Variants in DPYD observed in about 807,000 individuals in gnomAD.
The protein encoded by DPYD is dihydropyrimidine dehydrogenase [NADP(+)].
Under a neutral mutation model 116.2 loss-of-function variants are expected in DPYD, and 109 were observed. The observed-to-expected ratio is 0.94, with a 90% CI of 0.80 to 1.10. DPYD has a LOEUF of 1.10. Among genes scored for constraint, DPYD ranks in the 50% least tolerant of loss-of-function variants. The pLI is 0.00. For missense variants in DPYD, 1,302 were observed against 1,254.5 expected, an observed-to-expected ratio of 1.04 and a Z score of -0.57; for synonymous variants, 440 against 432.0, an observed-to-expected ratio of 1.02 and a Z score of -0.23.
At position 97,742,311 on chromosome 1, in the gene DPYD, AT is replaced by A. The variant is rs1664310797; in HGVS notation, c.234-1833del. ...TTTTGTGAGTAAGAGAGCCCTCTTC[AT>A]TGTCTGAACCAATTTCTCAGTGCCT... On this transcript the variant is annotated intron_variant, in intron 3 of 22. Coordinates refer to ENST00000370192, the MANE Select transcript of DPYD (RefSeq NM_000110.4). Among the ~76,000 whole-genome samples the A allele has an allele frequency of 3.3e-5, 5 of 152,202 alleles. No individual in the cohort carries two copies. The South Asian group carries it at 1.0e-3, about 32-fold the overall frequency.
In DPYD at chr1:97,556,234, T is replaced by C. The variant is rs557830605; in HGVS notation, c.1340-6490A>G. Among the ~76,000 whole-genome samples, 22 of 152,324 alleles carry C rather than the reference T, an allele frequency of 1.4e-4. No homozygotes were observed. In the East Asian group the frequency reaches 4.1e-3, roughly 28 times the overall value. Reference sequence around the variant, plus strand: ...TAACCACTTCCTCCTCATGAAAGTCTTTTAGCCTGGCTTCTGTGACATCAT... The same window carrying C: ...TAACCACTTCCTCCTCATGAAAGTCCTTTAGCCTGGCTTCTGTGACATCAT... On this transcript the variant is annotated intron_variant, in intron 11 of 22. Transcript: ENST00000370192.
At chr1:97,692,442 C>T (rs114452583) in intron 6 of DPYD, among the ~76,000 whole-genome samples, 2,015 of 151,992 alleles carry the variant, frequency 0.013, 21 homozygotes, top group Middle Eastern at 0.024. Flanking sequence ...AAAATGAGGC[C>T]TATGGCACTA....
intron 20 of DPYD, among the ~76,000 whole-genome samples, chr1:97,188,732 A>G (rs908827367): frequency 2.0e-5 from 3 of 152,190 alleles, no homozygotes; most frequent in Non-Finnish European, 2.9e-5. Context: ...AGTATGTTCA[A>G]TTCAGCTACC....
At chr1:97,878,360 T>C (rs1672024477) in intron 2 of DPYD, among the ~76,000 whole-genome samples, 1 of 151,948 alleles carries the variant, frequency 6.6e-6, no homozygotes, top group Non-Finnish European at 1.5e-5. Flanking sequence ...CTTTACACAC[T>C]CTTCCTGGGT....
intron 16 of DPYD, among the ~76,000 whole-genome samples, chr1:97,331,439 G>A (rs151087559): frequency 8.5e-5 from 13 of 152,194 alleles, no homozygotes; most frequent in African/African-American, 2.4e-4. Context: ...ATGGCTGTGC[G>A]ACTGTACTAC....
chr1:97,392,219 T>G (rs1672745927), intron 14 of DPYD, among the ~76,000 whole-genome samples: 1 of 152,064 alleles, frequency 6.6e-6, no homozygotes, highest in Non-Finnish European at 1.5e-5. Flanking sequence ...AGTTATGTTT[T>G]CACTACAATC....
chr1:97,738,199 GT>G (rs1664070560), intron 4 of DPYD, among the ~76,000 whole-genome samples: 1 of 152,056 alleles, frequency 6.6e-6, no homozygotes. Flanking sequence ...ATAAAGTAGT[GT>G]TTTTTAAAAG....
At chr1:97,230,501 G>A (rs1661514996) in intron 19 of DPYD, among the ~76,000 whole-genome samples, 1 of 152,148 alleles carries the variant, frequency 6.6e-6, no homozygotes, top group African/African-American at 2.4e-5. Flanking sequence ...AGGATGGGAG[G>A]AGGGAGAGGA....
In DPYD at chr1:97,729,461, C is replaced by A. The variant is rs535863223; in HGVS notation, c.322-7790G>T. 1.5e-4 allele frequency among the ~76,000 whole-genome samples: 23 copies of A among 152,154 alleles called. No homozygotes were observed. The East Asian group carries it at 4.4e-3, about 29-fold the overall frequency. ...TCAGTGAACTTAGGTTCCCACTCTA[C>A]CCCTTTAGGCTTTTTGTCACTAAAA... On this transcript the variant is annotated intron_variant, in intron 4 of 22. Transcript: ENST00000370192.
intron 20 of DPYD, among the ~76,000 whole-genome samples, chr1:97,109,703 C>T (rs1177042149): frequency 6.6e-6 from 1 of 152,014 alleles, no homozygotes; most frequent in Non-Finnish European, 1.5e-5. Flanking sequence ...TAAAATATTA[C>T]ATTTTGATCC....
intron 20 of DPYD, among the ~76,000 whole-genome samples, chr1:97,155,280 C>G (rs1655358393): frequency 6.6e-6 from 1 of 152,056 alleles, no homozygotes; most frequent in Non-Finnish European, 1.5e-5. Context: ...TTCATATTTC[C>G]AAGTGTTGTC....
chr1:97,719,678 C>T (rs939780467), intron 5 of DPYD: 3 of 983,424 alleles, frequency 3.1e-6, no homozygotes, highest in African/African-American at 3.5e-5. Flanking sequence ...GTAAACCACA[C>T]ACTGACCTAG....
In DPYD at chr1:97,748,159, G is replaced by A. The variant is rs146434550; in HGVS notation, c.234-7680C>T. On this transcript the variant is annotated intron_variant, in intron 3 of 22. Coordinates refer to ENST00000370192, the MANE Select transcript of DPYD (RefSeq NM_000110.4). ...ATTTTCTCCATACGGGATTTCAGAA[G>A]AAGGAAAAGTTATTTTCCTCTCAGG... Among the ~76,000 whole-genome samples the A allele has an allele frequency of 2.1e-3, 319 of 152,198 alleles. 1 individual carries two copies. The highest frequency in any genetic ancestry group is 7.6e-3 in the African/African-American group (314 of 41,542).
chr1:97,200,498 C>G (rs1259497070), intron 19 of DPYD, among the ~76,000 whole-genome samples: 1 of 152,090 alleles, frequency 6.6e-6, no homozygotes, highest in Non-Finnish European at 1.5e-5. Flanking sequence ...ATATATGAAA[C>G]ACTGAATAAG....
At chr1:97,770,280 G>T (rs893611683) in intron 3 of DPYD, among the ~76,000 whole-genome samples, 8 of 152,128 alleles carry the variant, frequency 5.3e-5, no homozygotes, top group African/African-American at 1.7e-4. Flanking sequence ...CTTTACAGGG[G>T]TATGATATAT....
At chr1:97,463,976 T>C (rs1341338484) in intron 13 of DPYD, among the ~76,000 whole-genome samples, 1 of 152,114 alleles carries the variant, frequency 6.6e-6, no homozygotes, top group Non-Finnish European at 1.5e-5. Flanking sequence ...TGGTGGCTCA[T>C]GCCTGTAACA....
At chr1:97,515,303 G>C (rs1023923330) in intron 13 of DPYD, among the ~76,000 whole-genome samples, 2 of 151,730 alleles carry the variant, frequency 1.3e-5, no homozygotes, top group African/African-American at 2.4e-5. Context: ...AATTTATAAA[G>C]AATCTATCTT....
intron 8 of DPYD, among the ~76,000 whole-genome samples, chr1:97,669,343 T>C (rs963055828): frequency 1.3e-5 from 2 of 152,178 alleles, no homozygotes; most frequent in African/African-American, 2.4e-5. Flanking sequence ...TCTTGCAGTA[T>C]TGTTTTTCCC....
Position 97,277,099 on chromosome 1 carries a change from C to T in DPYD, c.2299+28160G>A, listed in dbSNP as rs142444049. Among the ~76,000 whole-genome samples the T allele has an allele frequency of 8.8e-3, 1,344 of 152,116 alleles. 6 individuals are homozygous for T. The highest frequency in any genetic ancestry group is 0.013 in the Non-Finnish European group (873 of 67,990). ...GAGGCCATTATCCTAAGTGAATTAA[C>T]GCAGGAACAGAAAACCAAATACTGT... On this transcript the variant is annotated intron_variant, in intron 18 of 22. Coordinates refer to ENST00000370192, the MANE Select transcript of DPYD (RefSeq NM_000110.4).
Sources: allele counts gnomAD v4.1 joint callset (sites outside exome capture counted in the v4.1 genomes callset), GRCh38; gene constraint gnomAD v4.1.1; transcripts MANE v1.5; gene names NCBI Gene and HGNC (gene_info 2026-07-23, HGNC 2026-07-21).